Variants in FER observed in about 807,000 individuals in gnomAD.
The protein encoded by FER is FER tyrosine kinase.
FER carries 63 observed loss-of-function variants against 111.0 expected under a neutral mutation model. That is an observed-to-expected ratio of 0.57 (90% CI 0.46 to 0.70). The LOEUF (loss-of-function observed/expected upper bound fraction) is 0.70, where lower values mean the gene tolerates loss of function less well. FER is among the 30% of genes least tolerant of loss of function. The probability of loss-of-function intolerance (pLI) is 0.00; values close to 1 mark genes in which losing one functional copy is unlikely to be tolerated. For synonymous variants in FER, 327 were observed against 313.9 expected, an observed-to-expected ratio of 1.04 and a Z score of -0.44; for missense variants, 914 against 954.0, an observed-to-expected ratio of 0.96 and a Z score of 0.55.
At chr5:108,765,179 C>T (rs1475704183) in intron 1 of FER, among the ~76,000 whole-genome samples, 1 of 152,096 alleles carries the variant, frequency 6.6e-6, no homozygotes, top group East Asian at 1.9e-4. Flanking sequence ...GTCTGGTAAG[C>T]ATGATAATAC....
intron 10 of FER, among the ~76,000 whole-genome samples, chr5:108,928,046 A>G (rs1003883657): frequency 1.3e-5 from 2 of 152,252 alleles, no homozygotes; most frequent in African/African-American, 4.8e-5. Context: ...AGCTGAAAGC[A>G]ACCCTAACTG....
chr5:109,090,843 T>C (rs933182794), intron 16 of FER, among the ~76,000 whole-genome samples: 3 of 152,148 alleles, frequency 2.0e-5, no homozygotes, highest in African/African-American at 7.2e-5. Context: ...CCTAAGGGAC[T>C]TATGGGACAC....
At chr5:108,789,321 T>G (rs959051198) in intron 2 of FER, among the ~76,000 whole-genome samples, 3 of 152,308 alleles carry the variant, frequency 2.0e-5, no homozygotes, top group Non-Finnish European at 4.4e-5. Flanking sequence ...CTCCCACTAC[T>G]TGTCACATAG....
chr5:108,897,888 A>G (rs1749385543), intron 10 of FER, 40 bp downstream of exon 10: 1 of 1,521,534 alleles, frequency 6.6e-7, no homozygotes, highest in Non-Finnish European at 8.9e-7. Flanking sequence ...TTGGAAGAGT[A>G]GTGTCTAGGT....
At chr5:109,164,959 T>A (rs1756381137) in intron 17 of FER, among the ~76,000 whole-genome samples, 1 of 152,180 alleles carries the variant, frequency 6.6e-6, no homozygotes, top group African/African-American at 2.4e-5. Context: ...TTCCTCCCCA[T>A]CTCTTCCCCT....
At chr5:109,106,975 T>C (rs1749011346) in intron 17 of FER, among the ~76,000 whole-genome samples, 1 of 152,132 alleles carries the variant, frequency 6.6e-6, no homozygotes, top group South Asian at 2.1e-4. Flanking sequence ...AAAGATGCAG[T>C]ATATGCAGAG....
In FER at chr5:108,946,135, A is replaced by G. The variant is rs776716108; in HGVS notation, c.1242A>G (p.Arg414=). 1.9e-6 allele frequency: 3 copies of G among 1,611,442 alleles called. No homozygotes were observed. Among genetic ancestry groups the G allele is most frequent in the East Asian group, 4.5e-5 (2 of 44,724 alleles). The change falls in exon 11 of 20, where the codon AGA becomes AGG. Residue 414 remains arginine (R), a synonymous_variant. Coordinates refer to ENST00000281092, the MANE Select transcript of FER (RefSeq NM_005246.4). ...EDARSVTSME[R]KERLSKFESI... ...TTGTTTCTTAATCCCTCCAGGAAAGAAAGGAGAGGCTATCCAAATTTGAAT... is the reference window on the plus strand; with the variant it reads ...TTGTTTCTTAATCCCTCCAGGAAAGGAAGGAGAGGCTATCCAAATTTGAAT...
At chr5:109,030,081 CTT>C (rs971919315) in intron 13 of FER, among the ~76,000 whole-genome samples, 5 of 152,050 alleles carry the variant, frequency 3.3e-5, no homozygotes, top group African/African-American at 1.2e-4. Context: ...ATTAGCCTCT[CTT>C]ATCTTCACTT....
At chr5:109,076,454 C>T (rs1340599790) in intron 16 of FER, among the ~76,000 whole-genome samples, 2 of 151,972 alleles carry the variant, frequency 1.3e-5, no homozygotes, top group African/African-American at 4.8e-5. Flanking sequence ...TTTTGAGACA[C>T]GGTCTTGCTC....
At chr5:109,106,249 A>G (rs1748909565) in intron 17 of FER, among the ~76,000 whole-genome samples, 1 of 152,254 alleles carries the variant, frequency 6.6e-6, no homozygotes, top group African/African-American at 2.4e-5. Flanking sequence ...GCTGTGAAAC[A>G]TAATTTTAGA....
intron 5 of FER, among the ~76,000 whole-genome samples, chr5:108,836,433 G>C (rs1012513143): frequency 6.6e-6 from 1 of 152,020 alleles, no homozygotes; most frequent in Non-Finnish European, 1.5e-5. Flanking sequence ...AACTTCTTTG[G>C]CTGTTGCTAT....
intron 16 of FER, among the ~76,000 whole-genome samples, chr5:109,090,409 A>G (rs1581982670): frequency 6.6e-6 from 1 of 152,314 alleles, no homozygotes. Context: ...GTTTTTGTAA[A>G]TGTACAAACT....
At chr5:109,171,156 T>C (rs1757056940) in intron 17 of FER, among the ~76,000 whole-genome samples, 1 of 152,212 alleles carries the variant, frequency 6.6e-6, no homozygotes, top group South Asian at 2.1e-4. Context: ...TGTTGTATTT[T>C]TGCTGTCAGC....
At chr5:109,114,808 G>C (rs540358816) in intron 17 of FER, among the ~76,000 whole-genome samples, 1 of 151,994 alleles carries the variant, frequency 6.6e-6, no homozygotes, top group East Asian at 1.9e-4. Context: ...TTTCCTTTGA[G>C]ACTGTGATTC....
chr5:108,904,706 A>G (rs1161985304), intron 10 of FER, among the ~76,000 whole-genome samples: 2 of 152,140 alleles, frequency 1.3e-5, no homozygotes, highest in Non-Finnish European at 2.9e-5. Context: ...TATGTGTAAG[A>G]TATATTTTAG....
At chr5:109,106,747 C>G (rs1748981970) in intron 17 of FER, among the ~76,000 whole-genome samples, 1 of 152,148 alleles carries the variant, frequency 6.6e-6, no homozygotes, top group Non-Finnish European at 1.5e-5. Context: ...TTTCCCACCA[C>G]TAGTTTCACT....
At chr5:108,808,840 T>TAA (rs1757459999) in intron 3 of FER, among the ~76,000 whole-genome samples, 1 of 152,200 alleles carries the variant, frequency 6.6e-6, no homozygotes, top group Non-Finnish European at 1.5e-5. Flanking sequence ...CTCCTTCACT[T>TAA]ACGATGCTTA....
At position 108,768,095 on chromosome 5, in the gene FER, C is replaced by T. The variant is rs898382230; in HGVS notation, c.-203C>T. 9 of 152,176 alleles carry T rather than the reference C, an allele frequency of 5.9e-5. No homozygotes were observed. Among genetic ancestry groups the T allele is most frequent in the African/African-American group, 1.2e-4 (5 of 41,454 alleles). 9.4% of individuals were successfully genotyped at this position (152,176 alleles called of 1,614,324 possible). A position where few individuals can be genotyped will look rare whatever the true frequency, so the allele number is the denominator to read the frequency against. On this transcript the variant is annotated splice_region_variant and 5_prime_UTR_variant, in exon 2 of 20. Transcript: ENST00000281092. Reference sequence around the variant, plus strand: ...ACTCCTTGAATTTCTTCTTGCAGCTCATGTTTTTTGGCTAGACCTATGACC... The same window carrying T: ...ACTCCTTGAATTTCTTCTTGCAGCTTATGTTTTTTGGCTAGACCTATGACC...
chr5:108,999,318 A>G (rs1484449100), intron 13 of FER, among the ~76,000 whole-genome samples: 1 of 152,166 alleles, frequency 6.6e-6, no homozygotes, highest in African/African-American at 2.4e-5. Flanking sequence ...CTTAGTACTG[A>G]ACATTTAAAA....
Sources: gnomAD v4.1 joint callset for allele counts (sites outside exome capture counted in the v4.1 genomes callset) on GRCh38, gnomAD v4.1.1 for gene constraint, MANE v1.5 for transcripts, NCBI Gene and HGNC (gene_info 2026-07-23, HGNC 2026-07-21) for gene names.